Variants in UNC13C observed in about 807,000 individuals in gnomAD.
UNC13C encodes protein unc-13 homolog C.
UNC13C carries 174 observed loss-of-function variants against 245.4 expected under a neutral mutation model. The observed-to-expected ratio is 0.71, with a 90% CI of 0.63 to 0.80. UNC13C has a LOEUF of 0.80. Ranked by LOEUF, UNC13C falls within the 30% of genes least tolerant of loss-of-function variation. The pLI is 0.00. For synonymous variants in UNC13C, 992 were observed against 895.1 expected (o/e 1.11, Z -1.93); for missense variants, 2,829 against 2,602.9 (o/e 1.09, Z -1.89).
chr15:53,918,279 C>G, the UNC13C span, among the ~76,000 whole-genome samples: 2 of 152,036 alleles, frequency 1.3e-5, no homozygotes, highest in African/African-American at 2.4e-5. Context: ...AGCTGCAGCT[C>G]CAGGGAGATG....
intron 2 of UNC13C, among the ~76,000 whole-genome samples, chr15:54,055,404 G>GA (rs1399432815): frequency 4.6e-5 from 7 of 151,986 alleles, no homozygotes; most frequent in African/African-American, 7.2e-5. Flanking sequence ...TGCTTACCTT[G>GA]AAAAAATATA....
intron 2 of UNC13C, among the ~76,000 whole-genome samples, chr15:54,138,101 T>C (rs570875033): frequency 6.6e-6 from 1 of 152,266 alleles, no homozygotes; most frequent in South Asian, 2.1e-4. Flanking sequence ...TTTCCACATA[T>C]TTGTGGATGT....
chr15:53,929,373 A>G, the UNC13C span, among the ~76,000 whole-genome samples: 834 of 152,270 alleles, frequency 5.5e-3, 10 homozygotes, highest in African/African-American at 0.019. Context: ...TTTTTACCTC[A>G]TTGTACCATG....
intron 19 of UNC13C, among the ~76,000 whole-genome samples, chr15:54,492,752 A>G (rs1366289544): frequency 6.6e-5 from 10 of 152,180 alleles, no homozygotes; most frequent in Non-Finnish European, 1.5e-4. Flanking sequence ...CTCTTACCTC[A>G]GTGCTTCCAG....
chr15:54,548,281 G>T (rs1896583856), intron 27 of UNC13C, among the ~76,000 whole-genome samples: 2 of 140,468 alleles, frequency 1.4e-5, no homozygotes, highest in East Asian at 4.6e-4. Context: ...GAGTGCAGTG[G>T]CGCGATCTCG....
intron 1 of UNC13C, among the ~76,000 whole-genome samples, chr15:54,009,586 C>T (rs1895291663): frequency 1.4e-5 from 2 of 147,482 alleles, no homozygotes; most frequent in South Asian, 4.3e-4. Context: ...CTCGCTTTGT[C>T]ACCAGGCTGG....
rs60975842 is a variant in UNC13C at position 54,548,208 on chromosome 15, CTTTTTTTTTTT to C, written c.5820+1383_5820+1393del. ...TGTTGTTGTTGTTTTGTTTCTTTTG[CTTTTTTTTTTT>C]TTTTTTTTTTTTTTTTTTTGGAGAC... On this transcript the variant is annotated intron_variant, in intron 27 of 32. Transcript: ENST00000260323. 8.2e-3 allele frequency among the ~76,000 whole-genome samples: 506 copies of C among 61,906 alleles called. 4 individuals carry two copies. The highest frequency in any genetic ancestry group is 0.021 in the African/African-American group (474 of 22,914). 40.6% of individuals were successfully genotyped at this position (61,906 alleles called of 152,430 possible).
intron 2 of UNC13C, among the ~76,000 whole-genome samples, chr15:54,024,832 G>A (rs1021473388): frequency 1.1e-4 from 17 of 152,042 alleles, no homozygotes; most frequent in African/African-American, 3.9e-4. Flanking sequence ...GGAGAATGGC[G>A]TGAACCCGGG....
chr15:53,971,383 C>T, the UNC13C span, among the ~76,000 whole-genome samples: 1 of 152,084 alleles, frequency 6.6e-6, no homozygotes, highest in Non-Finnish European at 1.5e-5. Flanking sequence ...TCAAGACTTT[C>T]TCAGTGATTT....
intron 13 of UNC13C, among the ~76,000 whole-genome samples, chr15:54,319,367 T>C (rs1156293497): frequency 6.6e-6 from 1 of 151,884 alleles, no homozygotes; most frequent in African/African-American, 2.4e-5. Context: ...ATATTTTTTG[T>C]TAAATAAATA....
chr15:54,270,982 T>C (rs139882201), intron 10 of UNC13C, among the ~76,000 whole-genome samples: 3 of 152,322 alleles, frequency 2.0e-5, no homozygotes, highest in Admixed American at 6.5e-5. Flanking sequence ...TTTTTCAACT[T>C]TGGGATTTGG....
At chr15:54,209,111 C>T (rs1231051650) in intron 4 of UNC13C, among the ~76,000 whole-genome samples, 2 of 152,072 alleles carry the variant, frequency 1.3e-5, no homozygotes, top group Non-Finnish European at 2.9e-5. Flanking sequence ...GCCCTCTGCT[C>T]CTCCTCCCAC....
At chr15:54,342,282 T>A (rs982532270) in intron 17 of UNC13C, among the ~76,000 whole-genome samples, 7 of 152,214 alleles carry the variant, frequency 4.6e-5, no homozygotes, top group Non-Finnish European at 7.3e-5. Flanking sequence ...ATCTTTTTGT[T>A]ATATTGAAGT....
At chr15:54,264,087 C>T in intron 8 of UNC13C, 81 bp from the exon 9 acceptor site, 1 of 1,387,176 alleles carries the variant, frequency 7.2e-7, no homozygotes, top group African/African-American at 1.4e-5. Flanking sequence ...ATTCTCACTT[C>T]CTCCTCCTTT....
chr15:53,870,642 A>G, the UNC13C span, among the ~76,000 whole-genome samples: 1 of 152,144 alleles, frequency 6.6e-6, no homozygotes, highest in Non-Finnish European at 1.5e-5. Context: ...ACTACGTCCT[A>G]ACTCATAAAA....
intron 30 of UNC13C, chr15:54,609,234 A>G (rs1279654728): frequency 5.9e-5 from 9 of 152,154 alleles, no homozygotes; most frequent in Admixed American, 5.9e-4. Context: ...ACTGGAATGA[A>G]GTCAGTTCTG....
At chr15:54,046,073 A>G (rs921396044) in intron 2 of UNC13C, among the ~76,000 whole-genome samples, 7 of 152,056 alleles carry the variant, frequency 4.6e-5, no homozygotes, top group South Asian at 4.1e-4. Context: ...CCAACAATCT[A>G]TCTTAGAGAT....
At chr15:54,473,719 C>G (rs1483623512) in intron 19 of UNC13C, among the ~76,000 whole-genome samples, 3 of 151,308 alleles carry the variant, frequency 2.0e-5, no homozygotes, top group African/African-American at 7.3e-5. Flanking sequence ...CACCTCTTCT[C>G]TTTTTTCTTT....
At chr15:54,406,219 C>A (rs2040289560) in intron 18 of UNC13C, among the ~76,000 whole-genome samples, 1 of 152,086 alleles carries the variant, frequency 6.6e-6, no homozygotes. Context: ...TGTATAGAAG[C>A]CCCCAGAAAA....
Sources: allele counts gnomAD v4.1 joint callset (sites outside exome capture counted in the v4.1 genomes callset), GRCh38; gene constraint gnomAD v4.1.1; transcripts MANE v1.5; gene names NCBI Gene and HGNC (gene_info 2026-07-23, HGNC 2026-07-21).